The following SYT1 variants were observed in gnomAD, a reference collection of about 807,000 sequenced individuals.
SYT1 encodes the protein synaptotagmin 1.
Under a neutral mutation model 44.8 loss-of-function variants are expected in SYT1, and 8 were observed. That is an observed-to-expected ratio of 0.18 (90% CI 0.10 to 0.32). SYT1 has a LOEUF of 0.32. Ranked by LOEUF, SYT1 falls within the 10% of genes least tolerant of loss-of-function variation. The pLI is 1.00. For missense variants in SYT1, 286 were observed against 509.3 expected, an observed-to-expected ratio of 0.56 and a Z score of 4.22; for synonymous variants, 154 against 188.8, an observed-to-expected ratio of 0.82 and a Z score of 1.51.
chr12:79,046,339 A>G (rs1025227104), intron 2 of SYT1: 7 of 152,188 alleles, frequency 4.6e-5, no homozygotes, highest in African/African-American at 1.7e-4. Context: ...GAACTCTTAA[A>G]AACAGAGTAA....
intron 1 of SYT1, among the ~76,000 whole-genome samples, chr12:78,898,798 T>C (rs1316040374): frequency 2.6e-5 from 4 of 152,118 alleles, no homozygotes; most frequent in African/African-American, 9.7e-5. Context: ...TGATTTCGCA[T>C]GTAGAGAAAT....
At chr12:79,079,540 A>G (rs1482096142) in intron 3 of SYT1, among the ~76,000 whole-genome samples, 1 of 152,044 alleles carries the variant, frequency 6.6e-6, no homozygotes, top group Non-Finnish European at 1.5e-5. Context: ...AATTACCTAG[A>G]TATTTTATAC....
intron 9 of SYT1, among the ~76,000 whole-genome samples, chr12:79,430,072 CT>C (rs1869688191): frequency 6.6e-6 from 1 of 152,184 alleles, no homozygotes; most frequent in African/African-American, 2.4e-5. Context: ...AAGCATACCA[CT>C]ATCCAAATAT....
intron 4 of SYT1, among the ~76,000 whole-genome samples, chr12:79,245,018 G>C: frequency 6.6e-6 from 1 of 152,036 alleles, no homozygotes; most frequent in Non-Finnish European, 1.5e-5. Context: ...TACAAGATAA[G>C]GTATGAGCAA....
chr12:79,303,406 C>CT (rs902574729), intron 8 of SYT1, among the ~76,000 whole-genome samples: 18 of 150,516 alleles, frequency 1.2e-4, no homozygotes, highest in South Asian at 4.2e-4. Flanking sequence ...AAAACTAAGC[C>CT]TTTTTTTTTA....
In SYT1 at chr12:79,194,179, G is replaced by T. The variant is rs138277418; in HGVS notation, c.-17-23324G>T. On this transcript the variant is annotated intron_variant, in intron 3 of 10. Coordinates refer to ENST00000261205, the MANE Select transcript of SYT1 (RefSeq NM_005639.3). Reference sequence around the variant, plus strand: ...GTAGGCTGATTTTTCCTGTCTCTCAGTAAATCTAGTATAACATTGAAAAAG... The same window carrying T: ...GTAGGCTGATTTTTCCTGTCTCTCATTAAATCTAGTATAACATTGAAAAAG... Among the ~76,000 whole-genome samples the T allele has an allele frequency of 4.5e-3, 682 of 152,142 alleles. 6 individuals are homozygous for T. The highest frequency in any genetic ancestry group is 0.016 in the African/African-American group (644 of 41,508).
intron 3 of SYT1, among the ~76,000 whole-genome samples, chr12:79,170,123 T>C (rs1419953726): frequency 1.3e-5 from 2 of 152,112 alleles, no homozygotes; most frequent in East Asian, 3.9e-4. Flanking sequence ...GTTGATTCCA[T>C]ATCTTTGCTA....
intron 3 of SYT1, among the ~76,000 whole-genome samples, chr12:79,077,874 C>G (rs909658903): frequency 3.3e-5 from 5 of 150,476 alleles, no homozygotes; most frequent in African/African-American, 1.2e-4. Flanking sequence ...AAATTGTATG[C>G]TTTTTTTTTC....
chr12:78,866,754 AG>A (rs1873565661), intron 1 of SYT1, among the ~76,000 whole-genome samples: 1 of 152,162 alleles, frequency 6.6e-6, no homozygotes, highest in African/African-American at 2.4e-5. Flanking sequence ...TTTATTTATC[AG>A]GGGAAATGCA....
intron 1 of SYT1, among the ~76,000 whole-genome samples, chr12:78,899,975 A>G (rs993076471): frequency 6.6e-6 from 1 of 152,120 alleles, no homozygotes; most frequent in African/African-American, 2.4e-5. Flanking sequence ...AGAAAGTCAT[A>G]TGAATAGATA....
At chr12:79,318,497 T>C (rs555329701) in intron 8 of SYT1, among the ~76,000 whole-genome samples, 10 of 152,354 alleles carry the variant, frequency 6.6e-5, no homozygotes, top group Admixed American at 3.3e-4. Flanking sequence ...TGGATAACAC[T>C]AGAATACAGA....
At chr12:79,364,536 T>C (rs533511100) in intron 9 of SYT1, among the ~76,000 whole-genome samples, 1 of 152,282 alleles carries the variant, frequency 6.6e-6, no homozygotes, top group South Asian at 2.1e-4. Flanking sequence ...AATTTTGCGG[T>C]ACATCATTTT....
intron 9 of SYT1, chr12:79,419,313 C>CT (rs755361742): frequency 1.9e-6 from 1 of 513,512 alleles, no homozygotes; most frequent in South Asian, 1.5e-5. Flanking sequence ...GCTTAATTTC[C>CT]TTTTTTCTAA....
intron 2 of SYT1, among the ~76,000 whole-genome samples, chr12:79,037,990 G>A (rs1178827223): frequency 6.6e-6 from 1 of 151,520 alleles, no homozygotes; most frequent in South Asian, 2.1e-4. Context: ...TATTTTTAAA[G>A]GATAGTTGTA....
intron 3 of SYT1, among the ~76,000 whole-genome samples, chr12:79,094,995 T>C (rs1027426988): frequency 3.3e-5 from 5 of 151,968 alleles, no homozygotes; most frequent in African/African-American, 7.2e-5. Context: ...CCCATATTTC[T>C]GTCCAGCCAT....
chr12:79,049,978 G>T (rs1874352567), intron 3 of SYT1, among the ~76,000 whole-genome samples: 1 of 151,796 alleles, frequency 6.6e-6, no homozygotes. Context: ...AAAAATAAAA[G>T]ACCACTGGAA....
chr12:79,421,807 A>G lies in SYT1; in HGVS notation c.929-22266A>G, dbSNP rs950749479. On this transcript the variant is annotated intron_variant, in intron 9 of 10. Coordinates refer to ENST00000261205, the MANE Select transcript of SYT1 (RefSeq NM_005639.3). Reference sequence around the variant, plus strand: ...ATGTCTTTATACTTGAATTGTAAGTATTCAATCAGGGCTGTGTTAAGCATT... The same window carrying G: ...ATGTCTTTATACTTGAATTGTAAGTGTTCAATCAGGGCTGTGTTAAGCATT... Among the ~76,000 whole-genome samples, 3 of 151,650 alleles carry G rather than the reference A, an allele frequency of 2.0e-5. No individual in the cohort carries two copies. In the East Asian group the frequency reaches 5.8e-4, roughly 29 times the overall value.
chr12:79,324,572 A>T (rs1881522717), intron 8 of SYT1, among the ~76,000 whole-genome samples: 1 of 152,214 alleles, frequency 6.6e-6, no homozygotes, highest in African/African-American at 2.4e-5. Context: ...CAGATTGTTC[A>T]AGAGAGGCAT....
intron 1 of SYT1, among the ~76,000 whole-genome samples, chr12:78,928,883 G>T (rs1877456129): frequency 6.6e-6 from 1 of 152,086 alleles, no homozygotes. Flanking sequence ...CCTTGAACAA[G>T]AGGGGAATGC....
Sources: allele counts gnomAD v4.1 joint callset (sites outside exome capture counted in the v4.1 genomes callset), GRCh38; gene constraint gnomAD v4.1.1; transcripts MANE v1.5; gene names NCBI Gene and HGNC (gene_info 2026-07-23, HGNC 2026-07-21).